ANXA4: variants seen among roughly 807,000 people sequenced by gnomAD.
The protein encoded by ANXA4 is 35-beta calcimedin.
A neutral mutation model predicts 49.8 loss-of-function variants in ANXA4; 39 were observed. The ratio of observed to expected loss-of-function variants is 0.78; its 90% confidence interval spans 0.61 to 1.02. The LOEUF is 1.02. ANXA4 is among the 50% of genes least tolerant of loss of function. The pLI, the probability that ANXA4 is intolerant of heterozygous loss-of-function variation, is 0.00. For missense variants in ANXA4, 360 were observed against 410.1 expected (o/e 0.88, Z 1.05); for synonymous variants, 134 against 152.5 (o/e 0.88, Z 0.89).
rs199639261 is a variant in ANXA4, at chr2:69,684,685, CAA to C, written n.766+31418_766+31419del. On this transcript the variant is annotated intron_variant and non_coding_transcript_variant, in intron 2 of 3. Coordinates refer to the ANXA4 transcript ENST00000418066. ...CCTGGGCAACAGAGCAAGACTGTCT[CAA>C]AAAAAAAAAAAAAAGAAAGAAAGAG... 3.5e-3 allele frequency among the ~76,000 whole-genome samples: 279 copies of C among 80,034 alleles called. 1 individual carries two copies. The highest frequency in any genetic ancestry group is 0.011 in the African/African-American group (229 of 20,044). 52.5% of individuals were successfully genotyped at this position (80,034 alleles called of 152,430 possible).
At chr2:69,648,270 G>T (rs879300253) in intron 1 of ANXA4, among the ~76,000 whole-genome samples, 1 of 152,172 alleles carries the variant, frequency 6.6e-6, no homozygotes, top group Non-Finnish European at 1.5e-5. Context: ...ATCTTAAAAA[G>T]GGCAGAGCCA....
chr2:69,787,561 G>C (rs1383729874), intron 2 of ANXA4, among the ~76,000 whole-genome samples: 3 of 152,178 alleles, frequency 2.0e-5, no homozygotes, highest in African/African-American at 7.2e-5. Context: ...CTTTTGGGGA[G>C]AACAGGGTTC....
intron 1 of ANXA4, among the ~76,000 whole-genome samples, chr2:69,754,355 A>G (rs1239897296): frequency 6.6e-6 from 1 of 152,188 alleles, no homozygotes; most frequent in Non-Finnish European, 1.5e-5. Flanking sequence ...AATTATTACT[A>G]TAGAACCAGG....
At chr2:69,677,105 C>T (rs1677439227) in intron 2 of ANXA4, among the ~76,000 whole-genome samples, 1 of 150,538 alleles carries the variant, frequency 6.6e-6, no homozygotes, top group African/African-American at 2.4e-5. Flanking sequence ...CGTGAGCCAC[C>T]ACACCCTGCC....
At chr2:69,774,397 G>A (rs1671881281) in intron 1 of ANXA4, among the ~76,000 whole-genome samples, 1 of 135,658 alleles carries the variant, frequency 7.4e-6, no homozygotes, top group African/African-American at 2.8e-5. Context: ...GGAGAGCAGT[G>A]GCGCAATCTC....
chr2:69,649,550 G>A (rs1414447711), intron 1 of ANXA4, among the ~76,000 whole-genome samples: 1 of 140,762 alleles, frequency 7.1e-6, no homozygotes, highest in Non-Finnish European at 1.5e-5. Flanking sequence ...CTTTTTATAT[G>A]ATTAGAATGA....
chr2:69,815,121 A>G (rs930954521), intron 8 of ANXA4: 4 of 152,232 alleles, frequency 2.6e-5, no homozygotes, highest in African/African-American at 4.8e-5. Context: ...TCCATATTGG[A>G]TCATCCAAAA....
chr2:69,695,290 G>A (rs72901415), intron 2 of ANXA4, among the ~76,000 whole-genome samples: 253 of 152,302 alleles, frequency 1.7e-3, no homozygotes, highest in African/African-American at 6.0e-3. Context: ...CAGATTTGCA[G>A]CTGCATTGCA....
At chr2:69,689,988 A>G (rs1440084688) in intron 2 of ANXA4, among the ~76,000 whole-genome samples, 1 of 152,170 alleles carries the variant, frequency 6.6e-6, no homozygotes. Context: ...ACAGTAGCAT[A>G]CTATAGACAA....
intron 2 of ANXA4, among the ~76,000 whole-genome samples, chr2:69,715,799 TAAG>T (rs1678863173): frequency 6.6e-6 from 1 of 152,098 alleles, no homozygotes; most frequent in Non-Finnish European, 1.5e-5. Context: ...GAGGGAGGGG[TAAG>T]AAGGAGACAT....
intron 1 of ANXA4, among the ~76,000 whole-genome samples, chr2:69,742,495 C>T (rs1670437696): frequency 6.6e-6 from 1 of 152,222 alleles, no homozygotes; most frequent in South Asian, 2.1e-4. Context: ...CTAGGCTTTG[C>T]ATCAAAAAGA....
At chr2:69,764,891 T>C (rs1399589816) in intron 1 of ANXA4, among the ~76,000 whole-genome samples, 2 of 152,244 alleles carry the variant, frequency 1.3e-5, no homozygotes, top group Admixed American at 6.5e-5. Context: ...TTTCTGTCTC[T>C]ATGAATTTGA....
chr2:69,727,274 T>TA (rs1482792418), intron 3 of ANXA4, among the ~76,000 whole-genome samples: 2 of 152,268 alleles, frequency 1.3e-5, no homozygotes, highest in South Asian at 2.1e-4. Context: ...TGAACACTGT[T>TA]ACGCATTGCT....
intron 1 of ANXA4, among the ~76,000 whole-genome samples, chr2:69,746,506 G>A (rs1243409365): frequency 6.6e-6 from 1 of 152,114 alleles, no homozygotes; most frequent in African/African-American, 2.4e-5. Flanking sequence ...AATTCCCTGA[G>A]GAATTTAGGA....
chr2:69,789,337 C>G (rs775381974), intron 3 of ANXA4, among the ~76,000 whole-genome samples: 1 of 152,132 alleles, frequency 6.6e-6, no homozygotes, highest in Non-Finnish European at 1.5e-5. Context: ...ATCTCAAGCT[C>G]GGGGTCATCA....
At chr2:69,724,832 G>A (rs1229397791) in intron 3 of ANXA4, among the ~76,000 whole-genome samples, 1 of 151,598 alleles carries the variant, frequency 6.6e-6, no homozygotes, top group Non-Finnish European at 1.5e-5. Flanking sequence ...GCCACTAGAT[G>A]GCGTCCTCGC....
chr2:69,759,951 G>A (rs1218141010), intron 1 of ANXA4, among the ~76,000 whole-genome samples: 1 of 152,084 alleles, frequency 6.6e-6, no homozygotes, highest in Non-Finnish European at 1.5e-5. Flanking sequence ...TCCTGCCTCA[G>A]CCTCCCGAGT....
intron 1 of ANXA4, among the ~76,000 whole-genome samples, chr2:69,759,962 A>G (rs2105520584): frequency 6.6e-6 from 1 of 152,150 alleles, no homozygotes; most frequent in Admixed American, 6.5e-5. Flanking sequence ...CCTCCCGAGT[A>G]GCTGGGACTA....
intron 1 of ANXA4, among the ~76,000 whole-genome samples, chr2:69,772,276 G>A (rs1252880677): frequency 6.6e-6 from 1 of 152,208 alleles, no homozygotes; most frequent in Non-Finnish European, 1.5e-5. Flanking sequence ...GAGTCATTGT[G>A]GACTTGGTCA....
Sources: allele counts gnomAD v4.1 joint callset (sites outside exome capture counted in the v4.1 genomes callset), GRCh38; gene constraint gnomAD v4.1.1; transcripts MANE v1.5; gene names NCBI Gene and HGNC (gene_info 2026-07-23, HGNC 2026-07-21).